The following MTCH2 variants were observed in gnomAD, a reference collection of about 807,000 sequenced individuals.
The protein encoded by MTCH2 is mitochondrial carrier 2, also known as mitochondrial carrier homolog 2.
MTCH2 carries 25 observed loss-of-function variants against 50.6 expected under a neutral mutation model. The observed-to-expected ratio is 0.49, with a 90% CI of 0.36 to 0.69. The LOEUF is 0.69. MTCH2 is among the 30% of genes least tolerant of loss of function. The pLI, the probability that MTCH2 is intolerant of heterozygous loss-of-function variation, is 0.00. For missense variants in MTCH2, 273 were observed against 384.4 expected, an observed-to-expected ratio of 0.71 and a Z score of 2.42; for synonymous variants, 106 against 132.0, an observed-to-expected ratio of 0.80 and a Z score of 1.35.
the MTCH2 span, among the ~76,000 whole-genome samples, chr11:47,608,396 G>C: frequency 6.6e-6 from 1 of 152,020 alleles, no homozygotes; most frequent in Non-Finnish European, 1.5e-5. Flanking sequence ...AAAGATGGGA[G>C]ATGAGGAGGT....
At chr11:47,615,915 A>G (rs956941252), downstream of MTCH2, among the ~76,000 whole-genome samples, 2 of 151,492 alleles carry the variant, frequency 1.3e-5, no homozygotes, top group African/African-American at 4.9e-5. Flanking sequence ...TTGCTTTTTT[A>G]CCCTAGTATT....
intron 7 of MTCH2, 23 bp from the exon 8 acceptor site, chr11:47,630,637 TA>T: frequency 6.3e-7 from 1 of 1,577,276 alleles, no homozygotes; most frequent in Non-Finnish European, 8.7e-7. Flanking sequence ...GAAGAAAAGG[TA>T]AAATATATTA....
chr11:47,616,116 G>A (rs753421919), downstream of MTCH2, among the ~76,000 whole-genome samples: 4 of 151,228 alleles, frequency 2.6e-5, no homozygotes, highest in Non-Finnish European at 5.9e-5. Context: ...GTGCCACCAC[G>A]CCCAGCTAAT....
chr11:47,625,056 C>A (rs2097296717), intron 11 of MTCH2, among the ~76,000 whole-genome samples: 1 of 151,922 alleles, frequency 6.6e-6, no homozygotes, highest in African/African-American at 2.4e-5. Context: ...CCACTGCACT[C>A]CAGCCTGGGT....
chr11:47,634,654 ATG>A lies in MTCH2; in HGVS notation c.369+16_369+17del. ...GTTTGATCTGGGCAAACAGCACAGG[ATG>A]TAATTCATCTCTTACCTCCTTGATA... On this transcript the variant is annotated intron_variant, in intron 5 of 12. Coordinates refer to ENST00000302503, the MANE Select transcript of MTCH2 (RefSeq NM_014342.4). 2 of 1,594,010 alleles carry A rather than the reference ATG, an allele frequency of 1.3e-6. No individual in the cohort carries two copies. Among genetic ancestry groups the A allele is most frequent in the Non-Finnish European group, 1.7e-6 (2 of 1,163,504 alleles).
At chr11:47,628,568 T>C (rs1390793730) in intron 9 of MTCH2, among the ~76,000 whole-genome samples, 1 of 145,910 alleles carries the variant, frequency 6.9e-6, no homozygotes, top group Non-Finnish European at 1.5e-5. Context: ...TGTCATCTTG[T>C]TTATTTATTT....
intron 4 of MTCH2, among the ~76,000 whole-genome samples, 173 bp from the exon 5 acceptor site, chr11:47,634,907 G>C (rs2097307115): frequency 6.6e-6 from 1 of 151,662 alleles, no homozygotes; most frequent in African/African-American, 2.4e-5. Context: ...CAAGTAGCTA[G>C]GATTACAGGT....
intron 1 of MTCH2, among the ~76,000 whole-genome samples, chr11:47,640,277 C>T (rs1182570127): frequency 2.6e-5 from 4 of 151,936 alleles, no homozygotes; most frequent in African/African-American, 4.8e-5. Flanking sequence ...TGCAGTGAGC[C>T]GAGATTGTGC....
chr11:47,639,381 T>C (rs1340592494), intron 1 of MTCH2, among the ~76,000 whole-genome samples: 1 of 152,218 alleles, frequency 6.6e-6, no homozygotes, highest in Admixed American at 6.5e-5. Flanking sequence ...ACCTTCTAAA[T>C]AAAATCTAAG....
At chr11:47,639,946 C>A (rs7129948) in intron 1 of MTCH2, among the ~76,000 whole-genome samples, 17,077 of 152,118 alleles carry the variant, frequency 0.11, 1,057 homozygotes, top group Non-Finnish European at 0.14. Flanking sequence ...GTACAATATA[C>A]CCAGGATTTT....
chr11:47,613,511 T>G (rs948530178), downstream of MTCH2, among the ~76,000 whole-genome samples: 4 of 152,146 alleles, frequency 2.6e-5, no homozygotes, highest in African/African-American at 9.7e-5. Flanking sequence ...GCCAAATGTC[T>G]TAGGAGTTCT....
chr11:47,627,355 ATGTTT>A (rs2097299134), intron 9 of MTCH2, among the ~76,000 whole-genome samples: 2 of 150,818 alleles, frequency 1.3e-5, no homozygotes, highest in Non-Finnish European at 3.0e-5. Context: ...GGGTCTCCCT[ATGTTT>A]GCCCAGGCTG....
chr11:47,621,263 T>A (rs2097292911), intron 12 of MTCH2, among the ~76,000 whole-genome samples: 1 of 152,198 alleles, frequency 6.6e-6, no homozygotes, highest in South Asian at 2.1e-4. Flanking sequence ...GGCCTTTCTC[T>A]TATATATCAC....
chr11:47,606,813 G>C, the MTCH2 span, among the ~76,000 whole-genome samples: 1 of 152,214 alleles, frequency 6.6e-6, no homozygotes, highest in Non-Finnish European at 1.5e-5. Context: ...CTCCCTGGCA[G>C]CTTTTTCTTC....
the MTCH2 span, among the ~76,000 whole-genome samples, chr11:47,606,692 A>G: frequency 6.6e-6 from 1 of 152,148 alleles, no homozygotes; most frequent in Non-Finnish European, 1.5e-5. Context: ...TCATCCATTC[A>G]TCCCATGCCC....
At position 47,622,794 on chromosome 11, in the gene MTCH2, A is replaced by AGTTGT; in HGVS notation, c.750-19_750-18insACAAC. The AGTTGT allele has an allele frequency of 1.7e-6, 2 of 1,144,348 alleles. No homozygotes were observed. The highest frequency in any genetic ancestry group is 1.1e-6 in the Non-Finnish European group (1 of 919,230). The allele number at this position is 1,144,348 out of a possible 1,614,324, so 70.9% of individuals were successfully genotyped here. A position where few individuals can be genotyped will look rare whatever the true frequency, so the allele number is the denominator to read the frequency against. ...CAGCAAGACTAAAATAGAAAAAAACATGGAGCTATTCATGTTAATATTAAC... is the reference window on the plus strand; with the variant it reads ...CAGCAAGACTAAAATAGAAAAAAACAGTTGTTGGAGCTATTCATGTTAATATTAAC... On this transcript the variant is annotated intron_variant, in intron 11 of 12. Transcript: ENST00000302503.
At chr11:47,634,624 CCA>C in intron 5 of MTCH2, 46 bp downstream of exon 5, 1 of 1,428,694 alleles carries the variant, frequency 7.0e-7, no homozygotes, top group Non-Finnish European at 9.8e-7. Flanking sequence ...AGTTGCAACA[CCA>C]CAGTTTGATC....
intron 5 of MTCH2, 123 bp from the exon 6 acceptor site, chr11:47,631,834 T>C: frequency 1.1e-6 from 1 of 922,092 alleles, no homozygotes. Flanking sequence ...CCTCCTGCCC[T>C]GGCTGGAGTC....
At chr11:47,628,001 T>A (rs1344438165) in intron 9 of MTCH2, among the ~76,000 whole-genome samples, 1 of 152,156 alleles carries the variant, frequency 6.6e-6, no homozygotes, top group Non-Finnish European at 1.5e-5. Flanking sequence ...GAAAACCACA[T>A]TTATAGTATA....
Sources: gnomAD v4.1 joint callset for allele counts (sites outside exome capture counted in the v4.1 genomes callset) on GRCh38, gnomAD v4.1.1 for gene constraint, MANE v1.5 for transcripts, NCBI Gene and HGNC (gene_info 2026-07-23, HGNC 2026-07-21) for gene names.